CDH23: variants seen among roughly 807,000 people sequenced by gnomAD.
CDH23 encodes cadherin related 23.
Under a neutral mutation model 317.1 loss-of-function variants are expected in CDH23, and 189 were observed. That is an observed-to-expected ratio of 0.60 (90% confidence interval 0.53 to 0.67). The LOEUF (loss-of-function observed/expected upper bound fraction) is 0.67. Ranked by LOEUF, CDH23 falls within the 30% of genes least tolerant of loss-of-function variation. CDH23 has a pLI of 0.00. For missense variants in CDH23, 4,401 were observed against 4,592.4 expected, an observed-to-expected ratio of 0.96 and a Z score of 1.20; for synonymous variants, 1,839 against 1,876.8, an observed-to-expected ratio of 0.98 and a Z score of 0.52.
chr10:71,565,497 C>T (rs887272330), intron 6 of CDH23, among the ~76,000 whole-genome samples: 4 of 152,042 alleles, frequency 2.6e-5, no homozygotes, highest in Non-Finnish European at 5.9e-5. Context: ...ATTGAGAGCC[C>T]GGGGATTGGG....
At chr10:71,416,030 T>C (rs1296640378) in intron 1 of CDH23, among the ~76,000 whole-genome samples, 4 of 152,234 alleles carry the variant, frequency 2.6e-5, no homozygotes, top group Non-Finnish European at 5.9e-5. Context: ...CATTCAGATA[T>C]TGGTGTCCTT....
chr10:71,623,195 G>A (rs1861550745), intron 11 of CDH23, among the ~76,000 whole-genome samples: 1 of 152,194 alleles, frequency 6.6e-6, no homozygotes, highest in Non-Finnish European at 1.5e-5. Flanking sequence ...GTGGGATAGG[G>A]TGATTCCTGA....
chr10:71,807,358 G>C lies in CDH23; in HGVS notation c.8260G>C (p.Val2754Leu), dbSNP rs2132987759. Residue 2754 changes from valine to leucine, a missense_variant, in exon 58 of 70, where the codon GTG becomes CTG. Physicochemically the swap from Val to Leu is conservative, Grantham distance 32. Around this residue, in one of 3 missense-constraint regions of CDH23, gnomAD observed 1,144 missense variants for 1,138.2 expected, o/e 1.01. Coordinates refer to ENST00000224721, the MANE Select transcript of CDH23 (RefSeq NM_022124.6). ...GTLVGNVTGA[V>L]DADEGPNAIV... ...CCTCGTGGGCAACGTGACAGGCGCA[G>C]TGGATGCAGATGAGGGCCCCAACGC... The C allele has an allele frequency of 2.5e-6, 4 of 1,613,904 alleles. No individual in the cohort carries two copies. Among genetic ancestry groups the C allele is most frequent in the Non-Finnish European group, 3.4e-6 (4 of 1,179,840 alleles).
At position 71,460,750 on chromosome 10, in the gene CDH23, G is replaced by C. The variant is rs150989752; in HGVS notation, c.145+14355G>C. On this transcript the variant is annotated intron_variant, in intron 3 of 69. Transcript: ENST00000224721. ...TGTCCCTCCCATCCTGCTCATCCCAGCCCCGTCTCTTGCCCTGTCCTGCTC... is the reference window on the plus strand; with the variant it reads ...TGTCCCTCCCATCCTGCTCATCCCACCCCCGTCTCTTGCCCTGTCCTGCTC... Among the ~76,000 whole-genome samples the C allele has an allele frequency of 2.8e-3, 423 of 152,314 alleles. 3 individuals are homozygous for C. Among genetic ancestry groups the C allele is most frequent in the African/African-American group, 9.9e-3 (410 of 41,570 alleles).
At chr10:71,629,156 T>A (rs1861889523) in intron 11 of CDH23, among the ~76,000 whole-genome samples, 1 of 152,210 alleles carries the variant, frequency 6.6e-6, no homozygotes, top group Non-Finnish European at 1.5e-5. Flanking sequence ...GAGTGTCAGA[T>A]GTGATTCTAG....
intron 31 of CDH23, among the ~76,000 whole-genome samples, chr10:71,731,158 G>A (rs897739828): frequency 2.0e-5 from 3 of 152,196 alleles, no homozygotes; most frequent in African/African-American, 4.8e-5. Flanking sequence ...GAAGCATGCC[G>A]GGTCTCTGTG....
chr10:71,476,171 C>T (rs1851786611), intron 3 of CDH23, among the ~76,000 whole-genome samples: 1 of 152,130 alleles, frequency 6.6e-6, no homozygotes, highest in Non-Finnish European at 1.5e-5. Flanking sequence ...GTTTTCCTTC[C>T]CCCTCCCAGG....
rs778287546 is a variant in CDH23, at chr10:71,807,267, C to A, written c.8179-10C>A. 3 of 1,612,144 alleles carry A rather than the reference C, an allele frequency of 1.9e-6. No individual in the cohort carries two copies. The highest frequency in any genetic ancestry group is 2.2e-5 in the South Asian group (2 of 90,984). On this transcript the variant is annotated splice_polypyrimidine_tract_variant and intron_variant, in intron 57 of 69. Transcript: ENST00000224721. Reference sequence around the variant, plus strand: ...TGGCCCCATGTGATGACATCCCCCTCCCTCTGCAGAAAGGCAGCCCCCAGT... The same window carrying A: ...TGGCCCCATGTGATGACATCCCCCTACCTCTGCAGAAAGGCAGCCCCCAGT...
At chr10:71,574,176 C>T (rs933923934) in intron 8 of CDH23, among the ~76,000 whole-genome samples, 1 of 152,130 alleles carries the variant, frequency 6.6e-6, no homozygotes, top group Non-Finnish European at 1.5e-5. Flanking sequence ...CCCACTCTCC[C>T]CAACTCCCCC....
At chr10:71,649,429 T>C (rs559383647) in intron 14 of CDH23, among the ~76,000 whole-genome samples, 1 of 152,362 alleles carries the variant, frequency 6.6e-6, no homozygotes, top group African/African-American at 2.4e-5. Flanking sequence ...CATCCTGGCG[T>C]GGCCCTGCTT....
At chr10:71,458,628 G>A (rs1024219357) in intron 3 of CDH23, among the ~76,000 whole-genome samples, 7 of 152,148 alleles carry the variant, frequency 4.6e-5, no homozygotes, top group African/African-American at 1.7e-4. Context: ...TAGCAAGTGT[G>A]GACTGTATCA....
In CDH23 at chr10:71,528,666, T is replaced by C. The variant is rs182715839; in HGVS notation, c.429+17454T>C. ...GGCCTCCGCAGCAGCCTGGGAATCC[T>C]GATGAAAGGTCTGTGGAGAGATAGG... On this transcript the variant is annotated intron_variant, in intron 6 of 69. Coordinates refer to ENST00000224721, the MANE Select transcript of CDH23 (RefSeq NM_022124.6). 2.0e-5 allele frequency among the ~76,000 whole-genome samples: 3 copies of C among 152,334 alleles called. No individual in the cohort carries two copies. In the East Asian group the frequency reaches 5.8e-4, roughly 29 times the overall value.
intron 6 of CDH23, among the ~76,000 whole-genome samples, chr10:71,550,559 C>CAAAAAA (rs1222399834): frequency 1.3e-4 from 6 of 45,368 alleles, no homozygotes; most frequent in Admixed American, 4.6e-4. Context: ...GACCCTGTCT[C>CAAAAAA]AAAAAAAAAA....
intron 53 of CDH23, among the ~76,000 whole-genome samples, chr10:71,801,214 G>T (rs1432802399): frequency 1.5e-5 from 2 of 134,182 alleles, no homozygotes; most frequent in Admixed American, 1.7e-4. Flanking sequence ...GGAGTGCAAT[G>T]GCGTGATCCG....
chr10:71,440,269 G>T (rs1849813743), intron 2 of CDH23, among the ~76,000 whole-genome samples: 3 of 152,172 alleles, frequency 2.0e-5, no homozygotes. Context: ...TTTGCACTGT[G>T]TGTGACCTAC....
Position 71,800,775 on chromosome 10 carries a change from G to A in CDH23, c.7482+20G>A. Reference sequence around the variant, plus strand: ...GTGCAGGTGAGGGGTGCCAACCTGGGCCAGGGATGACAGGGACTGGGGTTG... The same window carrying A: ...GTGCAGGTGAGGGGTGCCAACCTGGACCAGGGATGACAGGGACTGGGGTTG... On this transcript the variant is annotated intron_variant, in intron 53 of 69. Coordinates refer to ENST00000224721, the MANE Select transcript of CDH23 (RefSeq NM_022124.6). The A allele has an allele frequency of 6.2e-7, 1 of 1,612,354 alleles. No homozygotes were observed. The highest frequency in any genetic ancestry group is 2.2e-5 in the East Asian group (1 of 44,842).
chr10:71,550,559 C>CA (rs1222399834), intron 6 of CDH23, among the ~76,000 whole-genome samples: 5,245 of 44,982 alleles, frequency 0.12, 304 homozygotes, highest in African/African-American at 0.18. Flanking sequence ...GACCCTGTCT[C>CA]AAAAAAAAAA....
intron 34 of CDH23, chr10:71,737,583 T>A: frequency 2.3e-6 from 1 of 426,022 alleles, no homozygotes; most frequent in Non-Finnish European, 4.8e-6. Flanking sequence ...CAGCAGGACC[T>A]GGGAGCCCCT....
intron 22 of CDH23, among the ~76,000 whole-genome samples, chr10:71,697,927 G>A (rs909609316): frequency 3.9e-5 from 6 of 152,138 alleles, no homozygotes; most frequent in Non-Finnish European, 7.3e-5. Flanking sequence ...GGTGCCCCAG[G>A]GTAGTATTTG....
Sources: allele counts gnomAD v4.1 joint callset (sites outside exome capture counted in the v4.1 genomes callset), GRCh38; gene constraint gnomAD v4.1.1; regional missense constraint gnomAD v4.1.1; transcripts MANE v1.5; gene names NCBI Gene and HGNC (gene_info 2026-07-23, HGNC 2026-07-21).